ZC3H6: variants seen among roughly 807,000 people sequenced by gnomAD.
The protein encoded by ZC3H6 is zinc finger CCCH-type containing 6, also known as zinc finger CCCH domain-containing protein 6.
Under a neutral mutation model 107.7 loss-of-function variants are expected in ZC3H6, and 40 were observed. The observed-to-expected ratio is 0.37, with a 90% CI of 0.29 to 0.48. The LOEUF is 0.48. ZC3H6 is among the 20% of genes least tolerant of loss of function. ZC3H6 has a pLI of 0.98. For synonymous variants in ZC3H6, 493 were observed against 487.9 expected (o/e 1.01, Z -0.14); for missense variants, 1,267 against 1,410.4 (o/e 0.90, Z 1.63).
At chr2:112,306,557 C>T (rs963884579) in intron 3 of ZC3H6, among the ~76,000 whole-genome samples, 3 of 152,146 alleles carry the variant, frequency 2.0e-5, no homozygotes, top group Admixed American at 1.3e-4. Flanking sequence ...TTTTTGTTTT[C>T]AGTTTTTTCT....
intron 9 of ZC3H6, among the ~76,000 whole-genome samples, chr2:112,323,201 C>G (rs1676838650): frequency 6.6e-6 from 1 of 152,146 alleles, no homozygotes; most frequent in Non-Finnish European, 1.5e-5. Flanking sequence ...GCTGCATTGT[C>G]ATTGATAATG....
chr2:112,332,163 G>C lies in ZC3H6; in HGVS notation c.3245G>C (p.Ser1082Thr). 1 of 1,613,910 alleles carries C rather than the reference G, an allele frequency of 6.2e-7. No homozygotes were observed. The highest frequency in any genetic ancestry group is 8.5e-7 in the Non-Finnish European group (1 of 1,179,852). Residue 1082 changes from serine to threonine, a missense_variant, in exon 12 of 12, where the codon AGT becomes ACT. Ser to Thr is a moderately conservative substitution (Grantham distance 58). This residue lies in a region of ZC3H6 where 925 missense variants were observed against 1,025.7 expected (regional missense o/e 0.90). Transcript: ENST00000409871. ...CAGAAAAAAAGTGGTGGCTTAAAAA[G>C]TAGTGACAAAACTGAACCTTCTCCT... ...KNQKKSGGLKSSDKTEPSPGE... is the reference protein window; with the variant it reads ...KNQKKSGGLKTSDKTEPSPGE...
intron 7 of ZC3H6, among the ~76,000 whole-genome samples, chr2:112,317,599 G>A (rs1676725193): frequency 6.6e-6 from 1 of 152,098 alleles, no homozygotes; most frequent in Non-Finnish European, 1.5e-5. Flanking sequence ...TATTTCAAGA[G>A]ATTGTGCTTC....
rs1558961239 is a variant in ZC3H6 at position 112,338,897 on chromosome 2, AT to A, written c.*6410del. ...TATATATATATATATATATATATAT[AT>A]ATATATATATATATAATTTTTTTTT... On this transcript the variant is annotated 3_prime_UTR_variant, in exon 12 of 12. Coordinates refer to ENST00000409871, the MANE Select transcript of ZC3H6 (RefSeq NM_198581.3). The A allele has an allele frequency of 1.3e-4, 6 of 46,320 alleles. No individual in the cohort carries two copies. The highest frequency in any genetic ancestry group is 7.6e-4 in the South Asian group (1 of 1,314). 2.9% of individuals were successfully genotyped at this position (46,320 alleles called of 1,614,324 possible).
chr2:112,275,682 C>A lies in ZC3H6; in HGVS notation c.-313C>A. Reference sequence around the variant, plus strand: ...ACGGCCACTGTCCAAATCCCCGCGTCGCTGCACGCCGCCCGCCCGCTCCCA... The same window carrying A: ...ACGGCCACTGTCCAAATCCCCGCGTAGCTGCACGCCGCCCGCCCGCTCCCA... On this transcript the variant is annotated 5_prime_UTR_variant, in exon 1 of 12. Coordinates refer to ENST00000409871, the MANE Select transcript of ZC3H6 (RefSeq NM_198581.3). The A allele has an allele frequency of 2.4e-6, 1 of 416,388 alleles. No homozygotes were observed. The highest frequency in any genetic ancestry group is 7.2e-5 in the South Asian group (1 of 13,874). 25.8% of individuals were successfully genotyped at this position (416,388 alleles called of 1,614,324 possible).
At chr2:112,289,717 T>A (rs1234172003) in intron 1 of ZC3H6, among the ~76,000 whole-genome samples, 2 of 141,564 alleles carry the variant, frequency 1.4e-5, no homozygotes, top group East Asian at 4.3e-4. Context: ...TCATATGATT[T>A]AAATATTTTT....
chr2:112,312,668 C>G (rs1371060398), intron 5 of ZC3H6, among the ~76,000 whole-genome samples: 1 of 152,132 alleles, frequency 6.6e-6, no homozygotes, highest in African/African-American at 2.4e-5. Context: ...CAAGACCAGC[C>G]TGGCCAACAT....
Position 112,300,007 on chromosome 2 carries a change from G to T in ZC3H6, c.191G>T (p.Arg64Met). The change falls in exon 2 of 12, where the codon AGG becomes ATG. Residue 64 changes from arginine (R) to methionine (M), a missense_variant. Physicochemically the swap from Arg to Met is moderately conservative, Grantham distance 91. Transcript: ENST00000409871. ...GAGAGAGAGAAGAAAAAATCCAAAA[G>T]GAGAAAACGTGAGAAACATAAGGTT... The part of the protein sequence containing the change: ...KKEREKKKSK[R>M]RKREKHKHNS... 1 of 1,467,260 alleles carries T rather than the reference G, an allele frequency of 6.8e-7. No homozygotes were observed. Among genetic ancestry groups the T allele is most frequent in the Non-Finnish European group, 9.0e-7 (1 of 1,112,052 alleles). The allele number at this position is 1,467,260 out of a possible 1,614,324, so 90.9% of individuals were successfully genotyped here.
intron 3 of ZC3H6, 121 bp downstream of exon 3, chr2:112,303,472 A>G (rs1676422682): frequency 4.6e-6 from 3 of 656,732 alleles, no homozygotes; most frequent in Non-Finnish European, 7.3e-6. Context: ...AATCATCACC[A>G]CTTATCCATT....
chr2:112,326,035 T>C (rs761803492), intron 11 of ZC3H6, among the ~76,000 whole-genome samples: 1 of 151,960 alleles, frequency 6.6e-6, no homozygotes, highest in Non-Finnish European at 1.5e-5. Flanking sequence ...CAAGCTATTA[T>C]ATGAGCATTT....
rs1677199240 is a variant in ZC3H6, at chr2:112,339,266, GT to G, written c.*6781del. On this transcript the variant is annotated 3_prime_UTR_variant, in exon 12 of 12. Coordinates refer to ENST00000409871, the MANE Select transcript of ZC3H6 (RefSeq NM_198581.3). ...ATAAACTAACCATTATAAAATAGAGGTTTGAGTCCACCTGTATTTTACAGAA... is the reference window on the plus strand; with the variant it reads ...ATAAACTAACCATTATAAAATAGAGGTTGAGTCCACCTGTATTTTACAGAA... 6.6e-6 allele frequency: 1 copy of G among 152,064 alleles called. No homozygotes were observed. The allele number at this position is 152,064 out of a possible 1,614,324, so 9.4% of individuals were successfully genotyped here.
At chr2:112,290,117 AAAAC>A (rs1230474073) in intron 1 of ZC3H6, among the ~76,000 whole-genome samples, 19 of 152,372 alleles carry the variant, frequency 1.2e-4, no homozygotes, top group Admixed American at 8.5e-4. Flanking sequence ...AATTAAAAAA[AAAAC>A]AAACCTATAG....
Position 112,324,426 on chromosome 2 carries a change from G to A in ZC3H6, c.1615G>A (p.Asp539Asn). Reference protein sequence around the residue: ...QNQAGVLVQPDTSLTPPSMGG... With the variant: ...QNQAGVLVQPNTSLTPPSMGG... ...TCAAGCTGGAGTGCTTGTTCAACCA[G>A]ACACATCTTTGACACCACCAAGTAT... Residue 539 changes from aspartate to asparagine, a missense_variant, in exon 10 of 12, where the codon GAC (aspartate) becomes AAC (asparagine). Asp to Asn is a conservative substitution (Grantham distance 23). Coordinates refer to ENST00000409871, the MANE Select transcript of ZC3H6 (RefSeq NM_198581.3). The A allele has an allele frequency of 6.2e-7, 1 of 1,613,948 alleles. No individual in the cohort carries two copies.
chr2:112,311,394 T>C (rs558544138), intron 4 of ZC3H6, among the ~76,000 whole-genome samples: 206 of 152,316 alleles, frequency 1.4e-3, no homozygotes, highest in African/African-American at 4.8e-3. Flanking sequence ...CCTGGAGATA[T>C]ATGTGTATAT....
chr2:112,311,677 A>C lies in ZC3H6; in HGVS notation c.614-127A>C, dbSNP rs1470789032. ...ACAAAGATTTAATTTTTTTCATTGAATCTAGAAGGAAAAAAAAGAATGCAC... is the reference window on the plus strand; with the variant it reads ...ACAAAGATTTAATTTTTTTCATTGACTCTAGAAGGAAAAAAAAGAATGCAC... On this transcript the variant is annotated intron_variant, in intron 4 of 11. Transcript: ENST00000409871. 7.7e-6 allele frequency: 6 copies of C among 775,286 alleles called. No homozygotes were observed. In the East Asian group the frequency reaches 9.0e-5, roughly 12 times the overall value. The allele number at this position is 775,286 out of a possible 1,614,324, so 48.0% of individuals were successfully genotyped here.
chr2:112,322,588 T>C, intron 8 of ZC3H6, 61 bp from the exon 9 acceptor site: 27 of 1,514,552 alleles, frequency 1.8e-5, no homozygotes, highest in Non-Finnish European at 2.4e-5. Flanking sequence ...TTAAGTCTTC[T>C]AGTTTTAAAT....
intron 1 of ZC3H6, among the ~76,000 whole-genome samples, chr2:112,276,303 G>A (rs369865413): frequency 6.6e-6 from 1 of 150,386 alleles, no homozygotes; most frequent in Admixed American, 6.6e-5. Context: ...GGCGGGCTCC[G>A]TGTGCGCCGG....
In ZC3H6 at chr2:112,331,674, G is replaced by A. The variant is rs1677034641; in HGVS notation, c.2756G>A (p.Ser919Asn). The change falls in exon 12 of 12, where the codon AGT becomes AAT. Residue 919 changes from serine (S) to asparagine (N), a missense_variant. Ser to Asn is a conservative substitution (Grantham distance 46, BLOSUM62 1). Coordinates refer to ENST00000409871, the MANE Select transcript of ZC3H6 (RefSeq NM_198581.3). ...CTAAATAGATTATGGAATACAAAAA[G>A]TGATCTTCATCAAAATACAGTGTCC... The part of the protein sequence containing the change: ...QRLNRLWNTK[S>N]DLHQNTVSID... 2.5e-6 allele frequency: 4 copies of A among 1,613,868 alleles called. No homozygotes were observed. In the East Asian group the frequency reaches 8.9e-5, roughly 36 times the overall value.
chr2:112,321,288 A>G (rs989484330), intron 7 of ZC3H6, among the ~76,000 whole-genome samples: 3 of 152,094 alleles, frequency 2.0e-5, no homozygotes, highest in Admixed American at 2.0e-4. Flanking sequence ...CAAAATTTAT[A>G]TAATATTTTA....
Sources: allele counts gnomAD v4.1 joint callset (sites outside exome capture counted in the v4.1 genomes callset), GRCh38; gene constraint gnomAD v4.1.1; regional missense constraint gnomAD v4.1.1; transcripts MANE v1.5; gene names NCBI Gene and HGNC (gene_info 2026-07-23, HGNC 2026-07-21).